The following MARCHF5 variants were observed in gnomAD, a reference collection of about 807,000 sequenced individuals.
MARCHF5 encodes membrane associated ring-CH-type finger 5, also known as E3 ubiquitin-protein ligase MARCHF5.
MARCHF5 carries 5 observed loss-of-function variants against 36.5 expected under a neutral mutation model. The ratio of observed to expected loss-of-function variants is 0.14; its 90% CI spans 0.07 to 0.29. The LOEUF is 0.29. MARCHF5 is among the 10% of genes least tolerant of loss of function. The pLI is 1.00. For synonymous variants in MARCHF5, 103 were observed against 109.9 expected, an observed-to-expected ratio of 0.94 and a Z score of 0.39; for missense variants, 179 against 336.3, an observed-to-expected ratio of 0.53 and a Z score of 3.66.
rs1428694924 is a variant in MARCHF5, at chr10:92,344,595, G to A, written c.369+3792G>A. On this transcript the variant is annotated intron_variant, in intron 3 of 5. Transcript: ENST00000358935. Reference sequence around the variant, plus strand: ...TACCTTCCTGAGCACATATGATAGAGAATGTGCCCCTCTACACCATCAGTA... The same window carrying A: ...TACCTTCCTGAGCACATATGATAGAAAATGTGCCCCTCTACACCATCAGTA... Among the ~76,000 whole-genome samples, 3 of 152,210 alleles carry A rather than the reference G, an allele frequency of 2.0e-5. No individual in the cohort carries two copies. The South Asian group carries it at 6.2e-4, about 32-fold the overall frequency.
chr10:92,307,432 C>T (rs1013969565), intron 1 of MARCHF5, among the ~76,000 whole-genome samples: 8 of 152,078 alleles, frequency 5.3e-5, no homozygotes, highest in African/African-American at 1.9e-4. Context: ...TTAATAAATT[C>T]TTTAGAACTT....
chr10:92,337,429 G>T (rs1843516812), intron 2 of MARCHF5, among the ~76,000 whole-genome samples: 2 of 151,994 alleles, frequency 1.3e-5, no homozygotes, highest in South Asian at 2.1e-4. Context: ...CAGGAGAATC[G>T]CTTGAACCCA....
intron 1 of MARCHF5, chr10:92,308,584 G>A (rs1055552486): frequency 1.3e-5 from 2 of 152,024 alleles, no homozygotes; most frequent in African/African-American, 4.8e-5. Flanking sequence ...TATTTCAACT[G>A]AAAGCCTAAC....
chr10:92,295,399 A>ATTTTTTTTTTT (rs1234961486), intron 1 of MARCHF5, among the ~76,000 whole-genome samples: 1 of 65,014 alleles, frequency 1.5e-5, no homozygotes. Flanking sequence ...TTATTTATTT[A>ATTTTTTTTTTT]TTTATTTATT....
chr10:92,346,254 C>A (rs961313823), intron 3 of MARCHF5, among the ~76,000 whole-genome samples: 2 of 152,108 alleles, frequency 1.3e-5, no homozygotes, highest in South Asian at 4.1e-4. Context: ...CTTATTTCTT[C>A]ACAGTGTATA....
At chr10:92,294,169 A>C (rs1418127347) in intron 1 of MARCHF5, among the ~76,000 whole-genome samples, 1 of 152,216 alleles carries the variant, frequency 6.6e-6, no homozygotes, top group African/African-American at 2.4e-5. Context: ...GATATCTTTC[A>C]TGATAAGAGA....
chr10:92,291,736 TAGCTA>T (rs1426386994), intron 1 of MARCHF5: 2 of 284,744 alleles, frequency 7.0e-6, no homozygotes, highest in Non-Finnish European at 1.1e-5. Context: ...GGGTGAAACT[TAGCTA>T]AGGAGTGGCG....
intron 1 of MARCHF5, among the ~76,000 whole-genome samples, chr10:92,310,892 A>C (rs1031903635): frequency 6.6e-6 from 1 of 152,214 alleles, no homozygotes; most frequent in Non-Finnish European, 1.5e-5. Flanking sequence ...AAGATAGAGG[A>C]GATTACATAA....
intron 2 of MARCHF5, among the ~76,000 whole-genome samples, chr10:92,336,980 A>G (rs1269280589): frequency 6.6e-6 from 1 of 151,978 alleles, no homozygotes; most frequent in Admixed American, 6.6e-5. Context: ...AAGGTTAGCC[A>G]GGCGTGGTGG....
intron 5 of MARCHF5, among the ~76,000 whole-genome samples, chr10:92,350,889 C>T (rs1040810521): frequency 1.3e-5 from 2 of 152,054 alleles, no homozygotes; most frequent in African/African-American, 4.8e-5. Flanking sequence ...ATCTGTGTCC[C>T]CTGTTACCTG....
intron 1 of MARCHF5, among the ~76,000 whole-genome samples, chr10:92,292,503 CTTAA>C (rs1270669449): frequency 2.6e-5 from 4 of 152,182 alleles, no homozygotes; most frequent in Non-Finnish European, 5.9e-5. Flanking sequence ...AAGGCCCTCC[CTTAA>C]TTGAGTTTAT....
At chr10:92,346,766 A>C (rs1225434751) in intron 3 of MARCHF5, among the ~76,000 whole-genome samples, 2 of 151,932 alleles carry the variant, frequency 1.3e-5, no homozygotes, top group African/African-American at 4.8e-5. Context: ...TACAATTGTG[A>C]GTCACAGTGC....
chr10:92,345,142 T>C (rs1665767301), intron 3 of MARCHF5, among the ~76,000 whole-genome samples: 1 of 151,692 alleles, frequency 6.6e-6, no homozygotes, highest in Non-Finnish European at 1.5e-5. Flanking sequence ...CCATTCTTAA[T>C]TACAGTACTT....
intron 2 of MARCHF5, among the ~76,000 whole-genome samples, chr10:92,328,448 A>C (rs1843393876): frequency 8.2e-6 from 1 of 121,772 alleles, no homozygotes; most frequent in Non-Finnish European, 1.8e-5. Flanking sequence ...GTTCTTTTTT[A>C]CATTTATTGT....
chr10:92,325,860 A>G (rs1046123245), intron 2 of MARCHF5, among the ~76,000 whole-genome samples: 3 of 151,952 alleles, frequency 2.0e-5, no homozygotes, highest in Non-Finnish European at 2.9e-5. Flanking sequence ...TGTATTTTGA[A>G]TAGAGATGAG....
At chr10:92,307,891 G>C (rs1218235226) in intron 1 of MARCHF5, among the ~76,000 whole-genome samples, 1 of 151,740 alleles carries the variant, frequency 6.6e-6, no homozygotes, top group African/African-American at 2.4e-5. Context: ...CCATTTTTAT[G>C]GTTATTTCTT....
At chr10:92,327,352 T>TA (rs920654279) in intron 2 of MARCHF5, among the ~76,000 whole-genome samples, 196 of 146,582 alleles carry the variant, frequency 1.3e-3, no homozygotes, top group African/African-American at 2.3e-3. Context: ...AAGAGCTTTT[T>TA]AAAAAAAAAA....
intron 1 of MARCHF5, among the ~76,000 whole-genome samples, chr10:92,297,909 A>G (rs1196762467): frequency 6.6e-6 from 1 of 152,156 alleles, no homozygotes; most frequent in Non-Finnish European, 1.5e-5. Context: ...CTGAAAGTGT[A>G]CTGAAGGGCT....
intron 2 of MARCHF5, among the ~76,000 whole-genome samples, chr10:92,317,608 G>A (rs1337847454): frequency 1.3e-5 from 2 of 152,070 alleles, no homozygotes; most frequent in African/African-American, 4.8e-5. Flanking sequence ...ATTGATTTTT[G>A]TAAATTGACC....
Sources: gnomAD v4.1 joint callset for allele counts (sites outside exome capture counted in the v4.1 genomes callset) on GRCh38, gnomAD v4.1.1 for gene constraint, MANE v1.5 for transcripts, NCBI Gene and HGNC (gene_info 2026-07-23, HGNC 2026-07-21) for gene names.